Variants in NRG1 observed in about 807,000 individuals in gnomAD.
NRG1 encodes the protein neuregulin 1, also known as pro-neuregulin-1, membrane-bound isoform.
A neutral mutation model predicts 63.8 loss-of-function variants in NRG1; 18 were observed. The ratio of observed to expected loss-of-function variants is 0.28; its 90% CI spans 0.19 to 0.42. NRG1 has a LOEUF of 0.42. NRG1 is among the 10% of genes least tolerant of loss of function. The pLI is 1.00. For synonymous variants in NRG1, 302 were observed against 301.3 expected (o/e 1.00, Z -0.02); for missense variants, 762 against 814.7 (o/e 0.94, Z 0.79).
At chr8:32,486,079 C>T (rs902272143) in intron 1 of NRG1, among the ~76,000 whole-genome samples, 6 of 151,972 alleles carry the variant, frequency 3.9e-5, no homozygotes, top group African/African-American at 1.5e-4. Context: ...AGGCGCTCCC[C>T]CCCTCCCCAT....
chr8:31,711,518 G>A (rs551076068), intron 1 of NRG1, among the ~76,000 whole-genome samples: 197 of 152,120 alleles, frequency 1.3e-3, no homozygotes, highest in African/African-American at 4.5e-3. Context: ...TAACTGTCTG[G>A]GTTGTCTACA....
Position 32,209,717 on chromosome 8 carries a change from CCTTCCTT to C in NRG1, c.38-386109_38-386103del, listed in dbSNP as rs1844468792. On this transcript the variant is annotated intron_variant, in intron 1 of 10. Transcript: ENST00000519301. ...CTTTCTTTCTTTCTCTCTTTCCCTT[CCTTCCTT>C]CCTTCCTTCCTTCCTTCCTTCCTTC... Among the ~76,000 whole-genome samples, 103 of 12,928 alleles carry C rather than the reference CCTTCCTT, an allele frequency of 8.0e-3. 2 individuals carry two copies. Among genetic ancestry groups the C allele is most frequent in the East Asian group, 0.061 (63 of 1,032 alleles). The allele number at this position is 12,928 out of a possible 152,430, so 8.5% of individuals were successfully genotyped here.
chr8:31,854,767 C>A (rs1827663185), intron 1 of NRG1, among the ~76,000 whole-genome samples: 1 of 152,076 alleles, frequency 6.6e-6, no homozygotes, highest in Non-Finnish European at 1.5e-5. Context: ...AAATTTCCCT[C>A]TACACACTGC....
Position 31,858,956 on chromosome 8 carries a change from G to A in NRG1, c.37+219525G>A, listed in dbSNP as rs143644153. Among the ~76,000 whole-genome samples, 1,124 of 152,212 alleles carry A rather than the reference G, an allele frequency of 7.4e-3. 9 individuals are homozygous for A. Among genetic ancestry groups the A allele is most frequent in the Non-Finnish European group, 0.012 (836 of 68,022 alleles). On this transcript the variant is annotated intron_variant, in intron 1 of 10. Transcript: ENST00000519301. The stretch of plus-strand genomic sequence containing the variant: ...GGGAAAATGCTTCCACAACCAGCAG[G>A]ATGCAGGAAATACTTTCCAGGAGTT...
At chr8:31,834,298 C>CGTGCGT (rs1825466476) in intron 1 of NRG1, among the ~76,000 whole-genome samples, 1 of 21,772 alleles carries the variant, frequency 4.6e-5, no homozygotes, top group African/African-American at 9.1e-5. Context: ...TGCGTGTGCG[C>CGTGCGT]GCACGCGCGC....
intron 1 of NRG1, among the ~76,000 whole-genome samples, chr8:31,774,765 G>T (rs1337914372): frequency 6.6e-6 from 1 of 152,152 alleles, no homozygotes; most frequent in Non-Finnish European, 1.5e-5. Flanking sequence ...TTAAAAGGGG[G>T]CTTTAAAGTA....
chr8:32,165,270 C>G (rs1370443151), intron 1 of NRG1, among the ~76,000 whole-genome samples: 1 of 151,946 alleles, frequency 6.6e-6, no homozygotes, highest in Non-Finnish European at 1.5e-5. Flanking sequence ...TTCTGAGTAA[C>G]TGGGACTACA....
intron 1 of NRG1, among the ~76,000 whole-genome samples, chr8:32,562,441 G>C (rs898369493): frequency 1.3e-5 from 2 of 152,126 alleles, no homozygotes; most frequent in African/African-American, 4.8e-5. Context: ...TAGAGATGGG[G>C]TCTTGCTATG....
intron 1 of NRG1, among the ~76,000 whole-genome samples, chr8:32,307,925 C>A (rs190152723): frequency 3.9e-5 from 6 of 152,276 alleles, no homozygotes; most frequent in African/African-American, 1.4e-4. Context: ...TGACCACAAA[C>A]CCTTTCCAGC....
intron 5 of NRG1, among the ~76,000 whole-genome samples, chr8:32,630,540 T>C (rs1850079641): frequency 6.6e-6 from 1 of 152,216 alleles, no homozygotes; most frequent in African/African-American, 2.4e-5. Flanking sequence ...ACACACCATG[T>C]GATATGTAGC....
chr8:32,657,891 G>T (rs1161938428), intron 5 of NRG1, among the ~76,000 whole-genome samples: 1 of 152,086 alleles, frequency 6.6e-6, no homozygotes, highest in East Asian at 1.9e-4. Flanking sequence ...GAATTTCACA[G>T]TTTTTCCCAT....
At chr8:32,406,020 C>A (rs1449623408) in intron 1 of NRG1, among the ~76,000 whole-genome samples, 2 of 152,100 alleles carry the variant, frequency 1.3e-5, no homozygotes. Flanking sequence ...GCAGCCAGGG[C>A]AATTGGGCTA....
At chr8:32,520,405 C>A (rs889596453) in intron 1 of NRG1, among the ~76,000 whole-genome samples, 1 of 151,930 alleles carries the variant, frequency 6.6e-6, no homozygotes, top group African/African-American at 2.4e-5. Context: ...GGGATCCACC[C>A]GCCTCGGCTT....
At chr8:31,830,646 C>T (rs1413471329) in intron 1 of NRG1, among the ~76,000 whole-genome samples, 3 of 152,110 alleles carry the variant, frequency 2.0e-5, no homozygotes, top group African/African-American at 4.8e-5. Context: ...GCTCTATTCT[C>T]AGCAGGTCTT....
At chr8:31,872,379 A>G (rs377351471) in intron 1 of NRG1, among the ~76,000 whole-genome samples, 1 of 152,264 alleles carries the variant, frequency 6.6e-6, no homozygotes, top group South Asian at 2.1e-4. Context: ...GAAACATTCA[A>G]TAGACTTAGC....
At chr8:31,662,393 G>A (rs956581000) in intron 1 of NRG1, among the ~76,000 whole-genome samples, 1 of 152,322 alleles carries the variant, frequency 6.6e-6, no homozygotes, top group African/African-American at 2.4e-5. Context: ...GAAGGACTGT[G>A]AAAAAGCTGT....
intron 1 of NRG1, among the ~76,000 whole-genome samples, chr8:32,299,016 A>T (rs1481306699): frequency 7.9e-6 from 1 of 126,474 alleles, no homozygotes; most frequent in East Asian, 2.1e-4. Context: ...ACAAAGTTAG[A>T]CTCTATCTCA....
chr8:32,468,605 C>T (rs989952510), intron 1 of NRG1, among the ~76,000 whole-genome samples: 2 of 152,108 alleles, frequency 1.3e-5, no homozygotes, highest in Non-Finnish European at 2.9e-5. Flanking sequence ...TATGTTCTTC[C>T]TAGGAGATTT....
intron 1 of NRG1, among the ~76,000 whole-genome samples, chr8:32,326,263 C>T (rs1280038644): frequency 6.7e-6 from 1 of 149,670 alleles, no homozygotes; most frequent in African/African-American, 2.5e-5. Context: ...CGACCTTGGT[C>T]TCCCAAAGTG....
Sources: gnomAD v4.1 joint callset for allele counts (sites outside exome capture counted in the v4.1 genomes callset) on GRCh38, gnomAD v4.1.1 for gene constraint, MANE v1.5 for transcripts, NCBI Gene and HGNC (gene_info 2026-07-23, HGNC 2026-07-21) for gene names.